The following PLA1A variants were observed in gnomAD, a reference collection of about 807,000 sequenced individuals.
PLA1A encodes the protein phosphatidylserine-specific phospholipase A1alpha.
A neutral mutation model predicts 49.4 loss-of-function variants in PLA1A; 47 were observed. The observed-to-expected ratio is 0.95, with a 90% confidence interval of 0.75 to 1.21. The LOEUF (loss-of-function observed/expected upper bound fraction) is 1.21. Among genes scored for constraint, PLA1A ranks in the 50% most tolerant of loss-of-function variants. The pLI, the probability that PLA1A is intolerant of heterozygous loss-of-function variation, is 0.00. For synonymous variants in PLA1A, 224 were observed against 207.9 expected, an observed-to-expected ratio of 1.08 and a Z score of -0.67; for missense variants, 561 against 563.9, an observed-to-expected ratio of 0.99 and a Z score of 0.05.
chr3:119,613,932 A>G (rs2082807163), intron 5 of PLA1A, among the ~76,000 whole-genome samples: 1 of 152,030 alleles, frequency 6.6e-6, no homozygotes, highest in South Asian at 2.1e-4. Context: ...CAATAGTGAC[A>G]GGCACAGGAA....
intron 2 of PLA1A, among the ~76,000 whole-genome samples, chr3:119,608,228 GAGAGAAAGAAAGAGAGAAAGAAAGAA>G (rs2082715948): frequency 9.4e-6 from 1 of 106,502 alleles, no homozygotes; most frequent in East Asian, 2.5e-4. Flanking sequence ...GAAAGAAAGA[GAGAGAAAGAAAGAGAGAAAGAAAGAA>G]AGAAAGAAAG....
Position 119,626,373 on chromosome 3 carries a change from G to A in PLA1A, c.1121+1141G>A, listed in dbSNP as rs578093333. ...AGTGCACACACACTTAAATGAGTGA[G>A]CAATGCCCTGAGAGTGACAGCATAG... is the stretch of plus-strand genomic sequence containing the variant. On this transcript the variant is annotated intron_variant, in intron 9 of 10. Coordinates refer to ENST00000273371, the MANE Select transcript of PLA1A (RefSeq NM_015900.4). 2.4e-4 allele frequency among the ~76,000 whole-genome samples: 37 copies of A among 152,346 alleles called. 2 individuals are homozygous for A. The South Asian group carries it at 7.7e-3, about 32-fold the overall frequency.
At chr3:119,628,662 G>A in intron 9 of PLA1A, 39 bp from the exon 10 acceptor site, 1 of 1,599,322 alleles carries the variant, frequency 6.3e-7, no homozygotes, top group Non-Finnish European at 8.6e-7. Flanking sequence ...GGTGGTAAGG[G>A]CTACAGTCAT....
At chr3:119,622,327 A>C (rs1185201459) in intron 8 of PLA1A, among the ~76,000 whole-genome samples, 1 of 151,614 alleles carries the variant, frequency 6.6e-6, no homozygotes, top group Admixed American at 6.5e-5. Flanking sequence ...AGCTTCTGTA[A>C]GTTAGCTATT....
At chr3:119,600,491 T>C (rs2082604013) in intron 1 of PLA1A, 4 of 687,636 alleles carry the variant, frequency 5.8e-6, no homozygotes, top group South Asian at 3.1e-5. Context: ...GCCTGCTTAT[T>C]TTCCCTTTCT....
intron 3 of PLA1A, among the ~76,000 whole-genome samples, chr3:119,609,166 G>A (rs142605269): frequency 0.016 from 2,462 of 152,202 alleles, 19 homozygotes; most frequent in Non-Finnish European, 0.027. Context: ...AATGTGTCGT[G>A]GCACTTTAGA....
chr3:119,613,727 A>G (rs761029115), intron 5 of PLA1A, among the ~76,000 whole-genome samples: 13 of 152,186 alleles, frequency 8.5e-5, no homozygotes, highest in Non-Finnish European at 1.6e-4. Flanking sequence ...CCCCGTCTCT[A>G]CTAAAAATAC....
At chr3:119,601,025 C>A (rs994272685) in intron 1 of PLA1A, among the ~76,000 whole-genome samples, 1 of 152,208 alleles carries the variant, frequency 6.6e-6, no homozygotes, top group East Asian at 1.9e-4. Context: ...TCCCGAGGAG[C>A]CTGGAGGAGG....
intron 1 of PLA1A, among the ~76,000 whole-genome samples, chr3:119,599,106 C>T (rs895340946): frequency 1.3e-5 from 2 of 152,168 alleles, no homozygotes; most frequent in African/African-American, 2.4e-5. Context: ...GGAATAGGCT[C>T]TGTCTGGGTC....
At chr3:119,598,574 A>T (rs751206323) in intron 1 of PLA1A, 2 of 152,350 alleles carry the variant, frequency 1.3e-5, no homozygotes, top group South Asian at 4.1e-4. Flanking sequence ...CAGAAAATTA[A>T]CCTGCTCTAC....
At chr3:119,617,877 T>C (rs2082871672) in intron 6 of PLA1A, 142 bp from the exon 7 acceptor site, 2 of 581,822 alleles carry the variant, frequency 3.4e-6, no homozygotes, top group Admixed American at 5.9e-5. Context: ...TGTACACTAA[T>C]ATTCTGAAAA....
intron 8 of PLA1A, among the ~76,000 whole-genome samples, chr3:119,623,058 A>G (rs2082967224): frequency 6.6e-6 from 1 of 151,894 alleles, no homozygotes; most frequent in African/African-American, 2.4e-5. Flanking sequence ...CGAACTCCTG[A>G]CCTCAGATGA....
Position 119,628,836 on chromosome 3 carries a change from C to A in PLA1A, c.1257C>A (p.Phe419Leu), listed in dbSNP as rs1431782919. The change falls in exon 10 of 11, where the codon TTC becomes TTA. Residue 419 changes from phenylalanine to leucine, a missense_variant. Physicochemically the swap from Phe to Leu is conservative, Grantham distance 22. Transcript: ENST00000273371. ...KKDRTTIIGK[F>L]CTALLPVNDR... ...ACCGGACTACCATTATTGGGAAGTT[C>A]TGCACTGCCCTTTTGCCTGTCAATG... 1.2e-6 allele frequency: 2 copies of A among 1,613,974 alleles called. No homozygotes were observed. The highest frequency in any genetic ancestry group is 2.7e-5 in the African/African-American group (2 of 74,934).
At chr3:119,624,867 G>T (rs982867847) in intron 8 of PLA1A, among the ~76,000 whole-genome samples, 2 of 152,220 alleles carry the variant, frequency 1.3e-5, no homozygotes, top group Admixed American at 1.3e-4. Context: ...CTGACCTCAG[G>T]TGATCCACTC....
intron 8 of PLA1A, 149 bp from the exon 9 acceptor site, chr3:119,624,975 A>C (rs1025177987): frequency 5.2e-6 from 3 of 580,422 alleles, no homozygotes; most frequent in African/African-American, 3.8e-5. Flanking sequence ...GAGGAAACTG[A>C]GGACCTGAGA....
chr3:119,602,006 C>T (rs2082623970), intron 1 of PLA1A, among the ~76,000 whole-genome samples: 1 of 151,930 alleles, frequency 6.6e-6, no homozygotes, highest in African/African-American at 2.4e-5. Context: ...AAAGAATTGG[C>T]CCAGCAAACC....
At chr3:119,602,912 G>A (rs485257) in intron 1 of PLA1A, among the ~76,000 whole-genome samples, 32,833 of 151,980 alleles carry the variant, frequency 0.22, 4,263 homozygotes, top group East Asian at 0.46. Flanking sequence ...GAACTGCCAT[G>A]TAGATACATA....
chr3:119,628,963 A>G lies in PLA1A; in HGVS notation c.1286+98A>G, dbSNP rs1004260147. The G allele has an allele frequency of 4.2e-6, 4 of 951,906 alleles. No homozygotes were observed. In the African/African-American group the frequency reaches 6.5e-5, roughly 16 times the overall value. 59.0% of individuals were successfully genotyped at this position (951,906 alleles called of 1,614,324 possible). On this transcript the variant is annotated intron_variant, in intron 10 of 10. Coordinates refer to ENST00000273371, the MANE Select transcript of PLA1A (RefSeq NM_015900.4). ...GCCTATTGAGGTTCAATCTCATCAT[A>G]GTGATTATCATCTTAGAAGCAGAGA...
intron 1 of PLA1A, among the ~76,000 whole-genome samples, chr3:119,606,092 T>A (rs1432783235): frequency 6.6e-6 from 1 of 152,240 alleles, no homozygotes; most frequent in Admixed American, 6.5e-5. Flanking sequence ...GGGTTCTATT[T>A]AGAATTCTCT....
Sources: gnomAD v4.1 joint callset for allele counts (sites outside exome capture counted in the v4.1 genomes callset) on GRCh38, gnomAD v4.1.1 for gene constraint, MANE v1.5 for transcripts, NCBI Gene and HGNC (gene_info 2026-07-23, HGNC 2026-07-21) for gene names.